Variants in SANBR observed in about 807,000 individuals in gnomAD.
The protein encoded by SANBR is SANT and BTB domain regulator of CSR, also known as SANT and BTB domain regulator of class switch recombination.
A neutral mutation model predicts 101.8 loss-of-function variants in SANBR; 77 were observed. The observed-to-expected ratio is 0.76, with a 90% CI of 0.63 to 0.91. The LOEUF is 0.91. Among genes scored for constraint, SANBR ranks in the 40% least tolerant of loss-of-function variants. The pLI, the probability that SANBR is intolerant of heterozygous loss-of-function variation, is 0.00. For synonymous variants in SANBR, 279 were observed against 274.7 expected, an observed-to-expected ratio of 1.02 and a Z score of -0.15; for missense variants, 875 against 853.0, an observed-to-expected ratio of 1.03 and a Z score of -0.32.
intron 15 of SANBR, 152 bp from the exon 16 acceptor site, chr2:61,109,045 A>G (rs555376815): frequency 4.9e-6 from 2 of 406,474 alleles, no homozygotes; most frequent in East Asian, 7.4e-5. Context: ...AAAAATTCTT[A>G]TGTCTATTTC....
chr2:61,119,525 A>G (rs2104968663), intron 20 of SANBR, among the ~76,000 whole-genome samples: 1 of 152,334 alleles, frequency 6.6e-6, no homozygotes, highest in Middle Eastern at 3.4e-3. Context: ...CTCAATAATA[A>G]AATTTAAAAA....
chr2:61,130,453 G>A (rs1684653034), intron 20 of SANBR, among the ~76,000 whole-genome samples: 2 of 151,976 alleles, frequency 1.3e-5, no homozygotes, highest in Admixed American at 6.6e-5. Context: ...CTAGACAAAG[G>A]TATCACAAGA....
Position 61,092,481 on chromosome 2 carries a change from T to C in SANBR, c.1106T>C (p.Val369Ala). Residue 369 changes from valine to alanine, a missense_variant, in exon 11 of 22, where the codon GTT (valine) becomes GCT (alanine). Physicochemically the swap from Val to Ala is moderately conservative, Grantham distance 64. Transcript: ENST00000402291. ...YIHIRDKTWD[V>A]HEYLNSLFEE... ...TTCTCCAGAGATAAGACATGGGATG[T>C]TCATGAGTATTTGAATAGTCTTTTC... 1 of 1,595,016 alleles carries C rather than the reference T, an allele frequency of 6.3e-7. No homozygotes were observed. The highest frequency in any genetic ancestry group is 8.5e-7 in the Non-Finnish European group (1 of 1,171,664).
At chr2:61,113,139 A>C (rs1197337702) in intron 16 of SANBR, among the ~76,000 whole-genome samples, 1 of 152,182 alleles carries the variant, frequency 6.6e-6, no homozygotes, top group African/African-American at 2.4e-5. Context: ...GACCATTTAC[A>C]TGTGGCCCCA....
intron 21 of SANBR, chr2:61,134,316 ATGAAAGAC>A: frequency 6.6e-7 from 1 of 1,512,986 alleles, no homozygotes; most frequent in Non-Finnish European, 8.9e-7. Flanking sequence ...AGTAGACCAC[ATGAAAGAC>A]TTTTAGAAAT....
Position 61,070,344 on chromosome 2 carries a change from C to G in SANBR, c.-7C>G, listed in dbSNP as rs199775675. On this transcript the variant is annotated splice_region_variant and 5_prime_UTR_variant, in exon 3 of 22. Transcript: ENST00000402291. Reference sequence around the variant, plus strand: ...CTTTTTGTCTTCCCTATCCCTAGTTCCAAAAGATGAGTCGTGGATATTCAG... The same window carrying G: ...CTTTTTGTCTTCCCTATCCCTAGTTGCAAAAGATGAGTCGTGGATATTCAG... 5.3e-5 allele frequency: 82 copies of G among 1,558,780 alleles called. No homozygotes were observed. Among genetic ancestry groups the G allele is most frequent in the Non-Finnish European group, 6.9e-5 (80 of 1,158,774 alleles).
At chr2:61,092,698 C>A in intron 11 of SANBR, 111 bp downstream of exon 11, 1 of 908,824 alleles carries the variant, frequency 1.1e-6, no homozygotes, top group Non-Finnish European at 1.6e-6. Context: ...TATCCAACAT[C>A]TTTTTAAAGA....
rs372285850 is a variant in SANBR at position 61,073,469 on chromosome 2, A to G, written c.349A>G (p.Ile117Val). 8 of 1,550,122 alleles carry G rather than the reference A, an allele frequency of 5.2e-6. No individual in the cohort carries two copies. Among genetic ancestry groups the G allele is most frequent in the African/African-American group, 2.7e-5 (2 of 73,106 alleles). ...DAVSKTGRHS[I>V]ASTRNCSSES... is the part of the protein sequence containing the mutation. ...TTTCTGTATTTAAGGAAGACATAGT[A>G]TAGCTTCCACAAGGAATTGTTCTTC... Residue 117 changes from isoleucine (I) to valine (V), a missense_variant, in exon 5 of 22, where the codon ATA (isoleucine) becomes GTA (valine). Transcript: ENST00000402291.
chr2:61,070,240 G>T, intron 2 of SANBR, 102 bp from the exon 3 acceptor site: 1 of 784,880 alleles, frequency 1.3e-6, no homozygotes, highest in Non-Finnish European at 1.9e-6. Context: ...CCTTTACATG[G>T]TAGCAGATAA....
rs1418518534 is a variant in SANBR, at chr2:61,088,343, C to G, written c.978-15C>G. ...TCTTCTTCCTGGATGTTTTTTGTAT[C>G]TTCTTTGTTTATAGATGCTGTTTGT... On this transcript the variant is annotated splice_polypyrimidine_tract_variant and intron_variant, in intron 9 of 21. Transcript: ENST00000402291. 6.4e-7 allele frequency: 1 copy of G among 1,571,766 alleles called. No individual in the cohort carries two copies. Among genetic ancestry groups the G allele is most frequent in the Non-Finnish European group, 8.6e-7 (1 of 1,160,332 alleles).
intron 17 of SANBR, 190 bp from the exon 18 acceptor site, chr2:61,117,167 G>A: frequency 1.7e-6 from 1 of 585,006 alleles, no homozygotes; most frequent in Non-Finnish European, 3.0e-6. Context: ...CTCTGAACCT[G>A]TTTTATTATG....
chr2:61,121,589 A>G (rs1166156272), intron 21 of SANBR: 2 of 209,802 alleles, frequency 9.5e-6, no homozygotes, highest in Non-Finnish European at 1.9e-5. Flanking sequence ...TGTAGATCAC[A>G]TATTAATACT....
chr2:61,123,033 A>G lies in SANBR; in HGVS notation c.*871A>G. ...GTTATACTTGCTAGTTCGGTCTAAAATTTTCCAAATACATTAGATAGGTGA... is the reference window on the plus strand; with the variant it reads ...GTTATACTTGCTAGTTCGGTCTAAAGTTTTCCAAATACATTAGATAGGTGA... On this transcript the variant is annotated 3_prime_UTR_variant, in exon 22 of 22. Transcript: ENST00000402291. 1.0e-6 allele frequency: 1 copy of G among 978,796 alleles called. No homozygotes were observed. The highest frequency in any genetic ancestry group is 1.7e-5 in the African/African-American group (1 of 57,192). 60.6% of individuals were successfully genotyped at this position (978,796 alleles called of 1,614,324 possible).
At chr2:61,073,144 G>A (rs1251098552) in intron 4 of SANBR, among the ~76,000 whole-genome samples, 1 of 152,102 alleles carries the variant, frequency 6.6e-6, no homozygotes, top group Non-Finnish European at 1.5e-5. Flanking sequence ...GCAGAGTATT[G>A]ATGTAAAAAT....
In SANBR at chr2:61,123,378, C is replaced by G. The variant is rs183520240; in HGVS notation, c.*1216C>G. 6.1e-6 allele frequency: 6 copies of G among 983,048 alleles called. No homozygotes were observed. In the East Asian group the frequency reaches 6.7e-4, roughly 110 times the overall value. 60.9% of individuals were successfully genotyped at this position (983,048 alleles called of 1,614,324 possible). A position where few individuals can be genotyped will look rare whatever the true frequency, so the allele number is the denominator to read the frequency against. On this transcript the variant is annotated 3_prime_UTR_variant, in exon 22 of 22. Transcript: ENST00000402291. ...ACACTCAGTTTACACGTACAGAAATCATTCTTTTTAGTGAGTCTTTTAGTT... is the reference window on the plus strand; with the variant it reads ...ACACTCAGTTTACACGTACAGAAATGATTCTTTTTAGTGAGTCTTTTAGTT...
Position 61,101,711 on chromosome 2 carries a change from G to A in SANBR, c.1366-2142G>A, listed in dbSNP as rs538964115. Among the ~76,000 whole-genome samples, 631 of 150,606 alleles carry A rather than the reference G, an allele frequency of 4.2e-3. 5 individuals carry two copies. The highest frequency in any genetic ancestry group is 0.01 in the Middle Eastern group (3 of 286). Reference sequence around the variant, plus strand: ...TCACTGCACGGCAGCCTGGGCAACAGAGCGAGACTCCGTCTGAAAAAAAAA... The same window carrying A: ...TCACTGCACGGCAGCCTGGGCAACAAAGCGAGACTCCGTCTGAAAAAAAAA... On this transcript the variant is annotated intron_variant, in intron 12 of 21. Coordinates refer to ENST00000402291, the MANE Select transcript of SANBR (RefSeq NM_001129993.3).
chr2:61,113,856 T>C (rs1683948959), intron 16 of SANBR, among the ~76,000 whole-genome samples: 1 of 152,206 alleles, frequency 6.6e-6, no homozygotes, highest in South Asian at 2.1e-4. Flanking sequence ...AATCGTTAAG[T>C]ATGTAATGTC....
intron 21 of SANBR, 22 bp downstream of exon 21, chr2:61,121,298 C>T (rs1222516422): frequency 6.6e-7 from 1 of 1,517,502 alleles, no homozygotes; most frequent in Admixed American, 2.0e-5. Flanking sequence ...TAAACTAAAC[C>T]AGAGTGTCAG....
intron 8 of SANBR, among the ~76,000 whole-genome samples, chr2:61,086,803 A>T (rs189784742): frequency 1.3e-5 from 2 of 152,216 alleles, no homozygotes; most frequent in South Asian, 2.1e-4. Flanking sequence ...AGAATGATCC[A>T]TTAGGAATAA....
Sources: allele counts gnomAD v4.1 joint callset (sites outside exome capture counted in the v4.1 genomes callset), GRCh38; gene constraint gnomAD v4.1.1; transcripts MANE v1.5; gene names NCBI Gene and HGNC (gene_info 2026-07-23, HGNC 2026-07-21).